Variants in AASS observed in about 807,000 individuals in gnomAD.
AASS encodes aminoadipate-semialdehyde synthase, also known as alpha-aminoadipic semialdehyde synthase, mitochondrial.
A neutral mutation model predicts 105.4 loss-of-function variants in AASS; 86 were observed. The ratio of observed to expected loss-of-function variants is 0.82; its 90% CI spans 0.69 to 0.98. The LOEUF is 0.98. AASS is among the 50% of genes least tolerant of loss of function. The probability of loss-of-function intolerance (pLI) is 0.00; values close to 1 mark genes in which losing one functional copy is unlikely to be tolerated. For missense variants in AASS, 1,048 were observed against 1,143.2 expected (o/e 0.92, Z 1.20); for synonymous variants, 381 against 394.8 (o/e 0.96, Z 0.41).
chr7:122,117,444 G>A (rs765735583), intron 6 of AASS, among the ~76,000 whole-genome samples: 11 of 152,002 alleles, frequency 7.2e-5, no homozygotes, highest in Non-Finnish European at 1.2e-4. Context: ...ACCAGAGAAG[G>A]AAGAAAGCAT....
rs1489572370 is a variant in AASS, at chr7:122,098,346, C to G, written c.1655+104G>C. 3.0e-6 allele frequency: 4 copies of G among 1,346,066 alleles called. No individual in the cohort carries two copies. The Admixed American group carries it at 7.7e-5, about 26-fold the overall frequency. 83.4% of individuals were successfully genotyped at this position (1,346,066 alleles called of 1,614,324 possible). A position where few individuals can be genotyped will look rare whatever the true frequency, so the allele number is the denominator to read the frequency against. ...TCTGGACCCATACTTCAATTAAAAACTTTACTCCAAAGGAGTATGAAGAGA... is the reference window on the plus strand; with the variant it reads ...TCTGGACCCATACTTCAATTAAAAAGTTTACTCCAAAGGAGTATGAAGAGA... On this transcript the variant is annotated intron_variant, in intron 15 of 23. Transcript: ENST00000417368.
rs763443730 is a variant in AASS, at chr7:122,113,639, G to C, written c.1125C>G (p.Pro375=). The stretch of plus-strand genomic sequence containing the variant: ...GCTGGTCTGCATCATACATGCAAAA[G>C]GGATGCTCTATTGTTGTACACTCAG... ...FMTECTTIEH[P]FCMYDADQHI... Residue 375 remains proline, a synonymous_variant, in exon 10 of 24, where the codon CCC becomes CCG. Coordinates refer to ENST00000417368, the MANE Select transcript of AASS (RefSeq NM_005763.4). The C allele has an allele frequency of 1.2e-6, 2 of 1,613,656 alleles. No individual in the cohort carries two copies. Among genetic ancestry groups the C allele is most frequent in the African/African-American group, 1.3e-5 (1 of 74,994 alleles).
In AASS at chr7:122,075,175, T is replaced by C. The variant is rs911541105; in HGVS notation, c.*1314A>G. Among the ~76,000 whole-genome samples the C allele has an allele frequency of 1.1e-4, 16 of 152,310 alleles. No homozygotes were observed. Among genetic ancestry groups the C allele is most frequent in the African/African-American group, 3.4e-4 (14 of 41,570 alleles). On this transcript the variant is annotated 3_prime_UTR_variant, in exon 24 of 24. Transcript: ENST00000417368. ...AGGCACAAGCCACCAAGCTTGACCA[T>C]TGTTGAAAATTAAATTGTTTTCTTA...
chr7:122,094,122 G>C (rs1048307779), intron 15 of AASS, among the ~76,000 whole-genome samples: 2 of 152,064 alleles, frequency 1.3e-5, no homozygotes, highest in Non-Finnish European at 2.9e-5. Context: ...AGCAGGGGCT[G>C]AAAAACAACC....
chr7:122,110,761 TGTG>T (rs1476371377), intron 11 of AASS, among the ~76,000 whole-genome samples: 4 of 151,702 alleles, frequency 2.6e-5, no homozygotes, highest in African/African-American at 4.8e-5. Flanking sequence ...AACAAAATAA[TGTG>T]GAGATATATA....
intron 3 of AASS, among the ~76,000 whole-genome samples, chr7:122,128,990 A>G (rs974172465): frequency 3.3e-5 from 5 of 152,160 alleles, no homozygotes; most frequent in African/African-American, 9.7e-5. Context: ...AGGCAGGAGA[A>G]TCACCTGAAC....
intron 1 of AASS, among the ~76,000 whole-genome samples, chr7:122,137,980 G>A (rs1796230936): frequency 1.3e-5 from 2 of 152,094 alleles, no homozygotes; most frequent in Admixed American, 1.3e-4. Flanking sequence ...AAAAGAGCTA[G>A]AAAGAACAAA....
chr7:122,095,786 C>A (rs1022931119), intron 15 of AASS, among the ~76,000 whole-genome samples: 1 of 152,018 alleles, frequency 6.6e-6, no homozygotes, highest in Non-Finnish European at 1.5e-5. Context: ...CTTTTGGAAA[C>A]CACTGAGCAA....
chr7:122,144,228 C>G lies in AASS; in HGVS notation c.-83G>C, dbSNP rs1029596857. On this transcript the variant is annotated 5_prime_UTR_variant, in exon 1 of 24. Transcript: ENST00000417368. ...ATCTTCCGAGTCGCTGCAGGGGAGGCTCCGAATTCCTAGAAGAAACTGGGA... is the reference window on the plus strand; with the variant it reads ...ATCTTCCGAGTCGCTGCAGGGGAGGGTCCGAATTCCTAGAAGAAACTGGGA... 2.6e-5 allele frequency: 4 copies of G among 152,418 alleles called. No homozygotes were observed. Among genetic ancestry groups the G allele is most frequent in the Non-Finnish European group, 4.4e-5 (3 of 68,192 alleles). The allele number at this position is 152,418 out of a possible 1,614,324, so 9.4% of individuals were successfully genotyped here.
chr7:122,079,506 G>T, intron 21 of AASS, 91 bp downstream of exon 21: 2 of 1,167,960 alleles, frequency 1.7e-6, no homozygotes, highest in South Asian at 2.6e-5. Flanking sequence ...ATTAATCAAA[G>T]ACAAATGTAA....
intron 3 of AASS, among the ~76,000 whole-genome samples, chr7:122,126,744 C>A (rs1170564537): frequency 6.6e-6 from 1 of 152,064 alleles, no homozygotes; most frequent in East Asian, 1.9e-4. Context: ...TACCTTTCTG[C>A]CCCGACCCAC....
chr7:122,140,463 G>GCGA (rs936615316), intron 1 of AASS, among the ~76,000 whole-genome samples: 1 of 108,636 alleles, frequency 9.2e-6, no homozygotes, highest in Non-Finnish European at 1.8e-5. Flanking sequence ...TCCAGCCTGG[G>GCGA]CGACAGAGCG....
intron 9 of AASS, among the ~76,000 whole-genome samples, chr7:122,114,837 A>C (rs1795092481): frequency 6.6e-6 from 1 of 152,128 alleles, no homozygotes; most frequent in Non-Finnish European, 1.5e-5. Flanking sequence ...GGGTCCAGAG[A>C]TTTAGACCAG....
chr7:122,139,540 T>C lies in AASS; in HGVS notation c.-16+4621A>G, dbSNP rs76525506. On this transcript the variant is annotated intron_variant, in intron 1 of 23. Transcript: ENST00000417368. ...GAAAGCATTTTCCAAGCCACTATTA[T>C]GTATTTTTATGACTTATCATAATGG... 2.9e-4 allele frequency among the ~76,000 whole-genome samples: 44 copies of C among 152,348 alleles called. No individual in the cohort carries two copies. The East Asian group carries it at 7.5e-3, about 26-fold the overall frequency.
chr7:122,137,002 G>A (rs568193107), intron 1 of AASS, among the ~76,000 whole-genome samples: 2 of 152,330 alleles, frequency 1.3e-5, no homozygotes, highest in East Asian at 3.9e-4. Flanking sequence ...TAGGGAAAAA[G>A]ACAGAAGTGC....
chr7:122,088,582 C>G lies in AASS; in HGVS notation c.2017-2403G>C, dbSNP rs1265227865. 2.6e-5 allele frequency among the ~76,000 whole-genome samples: 4 copies of G among 152,070 alleles called. No homozygotes were observed. In the East Asian group the frequency reaches 7.7e-4, roughly 29 times the overall value. On this transcript the variant is annotated intron_variant, in intron 18 of 23. Coordinates refer to ENST00000417368, the MANE Select transcript of AASS (RefSeq NM_005763.4). ...AGTACAGCATTCTGGATTATGCCAC[C>G]TGGGATGCACTGAAAGTTGCATAAA...
chr7:122,086,056 T>C lies in AASS; in HGVS notation c.2140A>G (p.Ile714Val). 1.1e-5 allele frequency: 18 copies of C among 1,613,638 alleles called. No individual in the cohort carries two copies. The highest frequency in any genetic ancestry group is 1.3e-5 in the African/African-American group (1 of 74,986). ...CGCAACAAAGTGTGAGCAGAAGAAA[T>C]GCCATAAATCTCAGCATATTTCGTA... ...DSTKYAEIYGISSAHTLLRGT... is the reference protein window; with the variant it reads ...DSTKYAEIYGVSSAHTLLRGT... The change falls in exon 19 of 24, where the codon ATT (isoleucine) becomes GTT (valine). Residue 714 changes from isoleucine to valine, a missense_variant. Coordinates refer to ENST00000417368, the MANE Select transcript of AASS (RefSeq NM_005763.4).
chr7:122,121,969 T>C (rs1225427814), intron 4 of AASS, among the ~76,000 whole-genome samples: 1 of 152,200 alleles, frequency 6.6e-6, no homozygotes, highest in Non-Finnish European at 1.5e-5. Context: ...GTTTGTTTTC[T>C]TTCAGCACTT....
At chr7:122,109,040 C>G (rs552489502) in intron 11 of AASS, among the ~76,000 whole-genome samples, 2 of 151,806 alleles carry the variant, frequency 1.3e-5, no homozygotes, top group Non-Finnish European at 3.0e-5. Flanking sequence ...AATCCCATTT[C>G]CAATAGCCAC....
Sources: allele counts gnomAD v4.1 joint callset (sites outside exome capture counted in the v4.1 genomes callset), GRCh38; gene constraint gnomAD v4.1.1; transcripts MANE v1.5; gene names NCBI Gene and HGNC (gene_info 2026-07-23, HGNC 2026-07-21).